Variants in EVC observed in about 807,000 individuals in gnomAD.
EVC encodes the protein evC complex member EVC.
In EVC, 116 loss-of-function variants were observed where a neutral mutation model predicts 118.9. That is an observed-to-expected ratio of 0.98 (90% CI 0.84 to 1.14). The LOEUF (loss-of-function observed/expected upper bound fraction) is 1.14. EVC is among the 50% of genes most tolerant of loss of function. EVC has a pLI of 0.00. For missense variants in EVC, 1,401 were observed against 1,246.4 expected (o/e 1.12, Z -1.87); for synonymous variants, 619 against 534.7 (o/e 1.16, Z -2.18).
In EVC at chr4:5,730,832, C is replaced by T. The variant is rs188839116; in HGVS notation, c.385-593C>T. ...AAGCCAGAGCCACTTCACTGTGGCT[C>T]GGGCAGCCAGAGGTGGAGGCTGACA... On this transcript the variant is annotated intron_variant, in intron 3 of 20. Coordinates refer to ENST00000264956, the MANE Select transcript of EVC (RefSeq NM_153717.3). Among the ~76,000 whole-genome samples the T allele has an allele frequency of 4.7e-4, 71 of 152,202 alleles. 2 individuals are homozygous for T. The East Asian group carries it at 0.014, about 29-fold the overall frequency.
chr4:5,743,471 T>C lies in EVC; in HGVS notation c.801+1657T>C, dbSNP rs1448589761. Among the ~76,000 whole-genome samples the C allele has an allele frequency of 2.0e-5, 3 of 152,096 alleles. No homozygotes were observed. Among genetic ancestry groups the C allele is most frequent in the Non-Finnish European group, 4.4e-5 (3 of 68,024 alleles). ...CATCGCATCATTGTTGTGATAGTCT[T>C]CATCAGCACCACCATCATCACCATC... On this transcript the variant is annotated intron_variant, in intron 6 of 20. Coordinates refer to ENST00000264956, the MANE Select transcript of EVC (RefSeq NM_153717.3). This position sits in a 1 kb window ranked among gnomAD's most constrained non-coding sequence, Gnocchi z 4.7.
intron 2 of EVC, among the ~76,000 whole-genome samples, chr4:5,725,965 A>G (rs960029636): frequency 6.6e-6 from 1 of 152,222 alleles, no homozygotes; most frequent in East Asian, 1.9e-4. Context: ...CAGAGAAACG[A>G]CAAGAACAGG....
At chr4:5,825,630 G>A in the EVC span, 2 of 1,610,832 alleles carry the variant, frequency 1.2e-6, no homozygotes, top group South Asian at 1.1e-5. This position sits in a 1 kb window ranked among gnomAD's most constrained non-coding sequence, Gnocchi z 4.4. Context: ...CGTCATACAT[G>A]CCCCTGGAAA....
intron 11 of EVC, among the ~76,000 whole-genome samples, chr4:5,774,393 A>T (rs1734423867): frequency 6.6e-6 from 1 of 152,008 alleles, no homozygotes; most frequent in Non-Finnish European, 1.5e-5. Context: ...TAATGATACT[A>T]GCTAGCATTT....
At chr4:5,808,469 G>T in intron 18 of EVC, 142 bp downstream of exon 18, 4 of 1,367,978 alleles carry the variant, frequency 2.9e-6, no homozygotes, top group Non-Finnish European at 3.1e-6. Flanking sequence ...AGTCTCACCT[G>T]CTGAGGGTGT....
chr4:5,756,421 C>A lies in EVC; in HGVS notation c.1563+59C>A. 7.0e-7 allele frequency: 1 copy of A among 1,421,408 alleles called. No individual in the cohort carries two copies. The highest frequency in any genetic ancestry group is 9.8e-7 in the Non-Finnish European group (1 of 1,025,474). 88.0% of individuals were successfully genotyped at this position (1,421,408 alleles called of 1,614,324 possible). A position where few individuals can be genotyped will look rare whatever the true frequency, so the allele number is the denominator to read the frequency against. ...CCCAGGGTCTGTGTGTGTGCGAGAA[C>A]CTCACATCCTCCTGGCTGGGGACCC... is the stretch of plus-strand genomic sequence containing the variant. On this transcript the variant is annotated intron_variant, in intron 11 of 20. Transcript: ENST00000264956. This position sits in a 1 kb window ranked among gnomAD's most constrained non-coding sequence, Gnocchi z 4.2.
intron 7 of EVC, among the ~76,000 whole-genome samples, chr4:5,747,338 C>G (rs1434070768): frequency 1.3e-5 from 2 of 152,296 alleles, no homozygotes; most frequent in Middle Eastern, 3.4e-3. Context: ...GAGGCTGAGC[C>G]AAGATGGAGG....
chr4:5,786,555 T>G (rs1474041025), intron 12 of EVC, among the ~76,000 whole-genome samples: 6 of 152,182 alleles, frequency 3.9e-5, no homozygotes, highest in African/African-American at 1.4e-4. Flanking sequence ...CACAGTTAAT[T>G]TACTGATTAC....
chr4:5,809,915 A>T (rs1368235306), intron 19 of EVC, among the ~76,000 whole-genome samples: 2 of 152,174 alleles, frequency 1.3e-5, no homozygotes, highest in African/African-American at 2.4e-5. Flanking sequence ...GCCAGCGACA[A>T]CTTCAGTGAC....
chr4:5,814,469 T>A (rs1470439290), downstream of EVC, among the ~76,000 whole-genome samples: 2 of 152,146 alleles, frequency 1.3e-5, no homozygotes, highest in Admixed American at 6.5e-5. Context: ...GATCTTGCTG[T>A]TGCCACAGAA....
rs1310989851 is a variant in EVC, at chr4:5,737,724, A to C, written c.703-3992A>C. ...AGCCCACTATTGACACCTACTGCCCAGAAAATAAACTTCTTTTCAAAATGT... is the reference window on the plus strand; with the variant it reads ...AGCCCACTATTGACACCTACTGCCCCGAAAATAAACTTCTTTTCAAAATGT... On this transcript the variant is annotated intron_variant, in intron 5 of 20. Transcript: ENST00000264956. This position sits in a 1 kb window ranked among gnomAD's most constrained non-coding sequence, Gnocchi z 5.0. Among the ~76,000 whole-genome samples the C allele has an allele frequency of 6.6e-6, 1 of 152,240 alleles. No individual in the cohort carries two copies. Among genetic ancestry groups the C allele is most frequent in the East Asian group, 1.9e-4 (1 of 5,200 alleles).
chr4:5,798,860 G>T lies in EVC; in HGVS notation c.2304+68G>T. ...TGTTCAGGGTAGGGTCCATGCCTGG[G>T]TCTGCTCCTTGCCACACCGTTCATG... On this transcript the variant is annotated intron_variant, in intron 15 of 20. Coordinates refer to ENST00000264956, the MANE Select transcript of EVC (RefSeq NM_153717.3). The surrounding 1 kb of genome is among the most constrained non-coding windows in gnomAD (Gnocchi z 4.1). The T allele has an allele frequency of 1.3e-6, 2 of 1,515,684 alleles. No homozygotes were observed. Among genetic ancestry groups the T allele is most frequent in the Non-Finnish European group, 1.8e-6 (2 of 1,110,308 alleles). 93.9% of individuals were successfully genotyped at this position (1,515,684 alleles called of 1,614,324 possible). A position where few individuals can be genotyped will look rare whatever the true frequency, so the allele number is the denominator to read the frequency against.
Position 5,743,751 on chromosome 4 carries a change from G to A in EVC, c.802-1453G>A, listed in dbSNP as rs1670216915. On this transcript the variant is annotated intron_variant, in intron 6 of 20. Coordinates refer to ENST00000264956, the MANE Select transcript of EVC (RefSeq NM_153717.3). This position sits in a 1 kb window ranked among gnomAD's most constrained non-coding sequence, Gnocchi z 4.7. ...TCACCACCATGGTCATGGTCCTCAG[G>A]CAGTGCACGTCGTGCTTGACATACA... Among the ~76,000 whole-genome samples, 1 of 152,144 alleles carries A rather than the reference G, an allele frequency of 6.6e-6. No homozygotes were observed.
intron 6 of EVC, among the ~76,000 whole-genome samples, chr4:5,744,615 C>G (rs139613811): frequency 6.6e-6 from 1 of 152,072 alleles, no homozygotes; most frequent in African/African-American, 2.4e-5. Context: ...ATACTGAATC[C>G]CAGAATTCAC....
chr4:5,801,726 A>G, intron 15 of EVC: 3 of 544,350 alleles, frequency 5.5e-6, no homozygotes, highest in Non-Finnish European at 9.9e-6. Flanking sequence ...GACTTTCCCT[A>G]ACATCGCATT....
chr4:5,826,566 C>T, the EVC span: 1 of 152,206 alleles, frequency 6.6e-6, no homozygotes, highest in African/African-American at 2.4e-5. Context: ...AGCAGCAGGG[C>T]TTCCAGGCAG....
chr4:5,771,712 G>T (rs930584235), intron 11 of EVC, among the ~76,000 whole-genome samples: 9 of 152,242 alleles, frequency 5.9e-5, no homozygotes, highest in African/African-American at 2.2e-4. Flanking sequence ...AGACCTCCCC[G>T]TCGCCGGGAA....
chr4:5,797,594 C>T (rs1351470504), intron 14 of EVC, among the ~76,000 whole-genome samples: 3 of 152,162 alleles, frequency 2.0e-5, no homozygotes, highest in Non-Finnish European at 1.5e-5. Context: ...GATCAAGGCC[C>T]ACGTTAATGA....
chr4:5,824,516 C>G, the EVC span: 4 of 985,362 alleles, frequency 4.1e-6, no homozygotes, highest in Non-Finnish European at 3.6e-6. Flanking sequence ...CCCTTCCACT[C>G]TCTCTTTTGC....
Sources: allele counts gnomAD v4.1 joint callset (sites outside exome capture counted in the v4.1 genomes callset), GRCh38; gene constraint gnomAD v4.1.1; non-coding constraint Gnocchi (gnomAD v3.1); transcripts MANE v1.5; gene names NCBI Gene and HGNC (gene_info 2026-07-23, HGNC 2026-07-21).